The following NETO1 variants were observed in gnomAD, a reference collection of about 807,000 sequenced individuals.
The protein encoded by NETO1 is neuropilin and tolloid like 1.
NETO1 carries 26 observed loss-of-function variants against 61.3 expected under a neutral mutation model. The ratio of observed to expected loss-of-function variants is 0.42; its 90% CI spans 0.31 to 0.59. NETO1 has a LOEUF of 0.59. Among genes scored for constraint, NETO1 ranks in the 20% least tolerant of loss-of-function variants. The pLI is 0.12. For synonymous variants in NETO1, 225 were observed against 225.8 expected (o/e 1.00, Z 0.03); for missense variants, 531 against 662.8 (o/e 0.80, Z 2.18).
At chr18:72,813,182 G>C (rs368478820) in intron 4 of NETO1, among the ~76,000 whole-genome samples, 131 of 152,276 alleles carry the variant, frequency 8.6e-4, no homozygotes, top group African/African-American at 3.0e-3. Context: ...GAGTGACAAT[G>C]TGCGAGAGAA....
chr18:72,770,032 C>A (rs1467885195), intron 7 of NETO1, among the ~76,000 whole-genome samples: 1 of 151,928 alleles, frequency 6.6e-6, no homozygotes, highest in Non-Finnish European at 1.5e-5. Flanking sequence ...ATAAGCAGTG[C>A]ATATGCTTTT....
intron 4 of NETO1, among the ~76,000 whole-genome samples, chr18:72,822,721 C>T (rs555510483): frequency 6.6e-6 from 1 of 152,280 alleles, no homozygotes; most frequent in African/African-American, 2.4e-5. Context: ...GGAATAAAAG[C>T]TGAAGACTTC....
At chr18:72,852,547 A>T (rs1446540833) in intron 4 of NETO1, among the ~76,000 whole-genome samples, 1 of 152,092 alleles carries the variant, frequency 6.6e-6, no homozygotes, top group East Asian at 1.9e-4. Flanking sequence ...GAAACTTCTT[A>T]AAAATCTTCC....
At chr18:72,832,131 A>T (rs2073602022) in intron 4 of NETO1, among the ~76,000 whole-genome samples, 1 of 152,196 alleles carries the variant, frequency 6.6e-6, no homozygotes, top group African/African-American at 2.4e-5. Flanking sequence ...TGAATAATTG[A>T]TAGATGAATT....
In NETO1 at chr18:72,746,982, T is replaced by A. The variant is rs2070445445; in HGVS notation, c.*1197A>T. 2.0e-5 allele frequency among the ~76,000 whole-genome samples: 3 copies of A among 152,050 alleles called. No individual in the cohort carries two copies. In the South Asian group the frequency reaches 6.2e-4, roughly 31 times the overall value. ...TGTACCTGAGAATAAGAATAATTCA[T>A]AATGGTGGTTTAATTCATAAAAGGG... On this transcript the variant is annotated 3_prime_UTR_variant, in exon 11 of 11. Coordinates refer to ENST00000327305, the MANE Select transcript of NETO1 (RefSeq NM_138966.5).
chr18:72,798,110 A>G (rs2072380522), intron 4 of NETO1, among the ~76,000 whole-genome samples: 1 of 152,154 alleles, frequency 6.6e-6, no homozygotes, highest in Non-Finnish European at 1.5e-5. Context: ...GGGTTCCCCA[A>G]CCAGCTGTGG....
intron 7 of NETO1, among the ~76,000 whole-genome samples, chr18:72,779,482 A>G (rs2071667231): frequency 6.6e-6 from 1 of 152,106 alleles, no homozygotes; most frequent in African/African-American, 2.4e-5. Flanking sequence ...ACCACTGAGG[A>G]ACTTGAAACT....
In NETO1 at chr18:72,864,932, G is replaced by A; in HGVS notation, c.96C>T (p.Thr32=). The change falls in exon 3 of 11, where the codon ACC becomes ACT. Residue 32 remains threonine, a synonymous_variant. Coordinates refer to ENST00000327305, the MANE Select transcript of NETO1 (RefSeq NM_138966.5). ...ACTGCACTGACTTCTGTGTTTCTGA[G>A]GTGGTTTGCTTTTCTGTTAAAAAAA... ...ATKKGTEKQT[T]SETQKSVQCG... is the part of the protein sequence containing the mutation. The A allele has an allele frequency of 1.9e-6, 3 of 1,583,016 alleles. No individual in the cohort carries two copies. In the South Asian group the frequency reaches 3.6e-5, roughly 19 times the overall value.
chr18:72,771,096 T>C (rs917717405), intron 7 of NETO1, among the ~76,000 whole-genome samples: 2 of 152,182 alleles, frequency 1.3e-5, no homozygotes, highest in Non-Finnish European at 1.5e-5. Flanking sequence ...TAAATTTAGT[T>C]ACTGAGATTA....
At chr18:72,841,439 A>G (rs763252675) in intron 4 of NETO1, among the ~76,000 whole-genome samples, 1 of 151,972 alleles carries the variant, frequency 6.6e-6, no homozygotes, top group Non-Finnish European at 1.5e-5. Context: ...TCAAGCTCAG[A>G]AAGGCCATTT....
intron 4 of NETO1, among the ~76,000 whole-genome samples, chr18:72,801,866 G>C (rs755506823): frequency 6.6e-6 from 1 of 152,044 alleles, no homozygotes; most frequent in African/African-American, 2.4e-5. Flanking sequence ...GTGAAGGATG[G>C]ACATCTGTCT....
intron 4 of NETO1, among the ~76,000 whole-genome samples, chr18:72,841,591 G>A (rs575747288): frequency 3.3e-5 from 5 of 151,826 alleles, no homozygotes; most frequent in Admixed American, 6.6e-5. Flanking sequence ...ATAATCAGCC[G>A]GGCATGGTAG....
At chr18:72,852,205 A>ATGTT (rs1391953567) in intron 4 of NETO1, among the ~76,000 whole-genome samples, 1 of 151,874 alleles carries the variant, frequency 6.6e-6, no homozygotes, top group African/African-American at 2.4e-5. Flanking sequence ...CTTCCTTTTC[A>ATGTT]TGTTTGTTTG....
intron 4 of NETO1, among the ~76,000 whole-genome samples, chr18:72,829,562 T>C (rs955181613): frequency 1.3e-5 from 2 of 152,228 alleles, no homozygotes; most frequent in African/African-American, 4.8e-5. Context: ...TATTTAAATG[T>C]ATATCACATT....
rs2074416576 is a variant in NETO1 at position 72,856,595 on chromosome 18, T to C, written c.469+2231A>G. Among the ~76,000 whole-genome samples the C allele has an allele frequency of 2.6e-5, 4 of 152,266 alleles. No individual in the cohort carries two copies. The South Asian group carries it at 8.3e-4, about 32-fold the overall frequency. On this transcript the variant is annotated intron_variant, in intron 4 of 10. Coordinates refer to ENST00000327305, the MANE Select transcript of NETO1 (RefSeq NM_138966.5). ...TATTTTTATTTTATAATTAAAAATATTGAGAGATAGAATATAAAGGACCGT... is the reference window on the plus strand; with the variant it reads ...TATTTTTATTTTATAATTAAAAATACTGAGAGATAGAATATAAAGGACCGT...
intron 7 of NETO1, among the ~76,000 whole-genome samples, chr18:72,758,702 A>G (rs2145119882): frequency 6.6e-6 from 1 of 152,044 alleles, no homozygotes; most frequent in Non-Finnish European, 1.5e-5. Flanking sequence ...TGAGCATGGT[A>G]GCACATGCCT....
At chr18:72,749,983 G>C in intron 9 of NETO1, 79 bp downstream of exon 9, 1 of 1,118,344 alleles carries the variant, frequency 8.9e-7, no homozygotes. Flanking sequence ...GAAATATGAA[G>C]ACAAAATAGA....
chr18:72,779,724 C>T (rs989370000), intron 7 of NETO1, among the ~76,000 whole-genome samples: 14 of 152,162 alleles, frequency 9.2e-5, no homozygotes, highest in African/African-American at 3.4e-4. Context: ...ATAATTTTAG[C>T]CAATGCAATA....
At chr18:72,750,702 G>T in intron 8 of NETO1, 82 bp from the exon 9 acceptor site, 1 of 1,002,036 alleles carries the variant, frequency 1.0e-6, no homozygotes. Flanking sequence ...GTCAAAATGT[G>T]TATTAAAAAC....
Sources: allele counts gnomAD v4.1 joint callset (sites outside exome capture counted in the v4.1 genomes callset), GRCh38; gene constraint gnomAD v4.1.1; transcripts MANE v1.5; gene names NCBI Gene and HGNC (gene_info 2026-07-23, HGNC 2026-07-21).